The following SH3GLB1 variants were observed in gnomAD, a reference collection of about 807,000 sequenced individuals.
SH3GLB1 encodes the protein endophilin-B1.
A neutral mutation model predicts 42.0 loss-of-function variants in SH3GLB1; 17 were observed. The ratio of observed to expected loss-of-function variants is 0.40; its 90% CI spans 0.28 to 0.61. SH3GLB1 has a LOEUF of 0.61. Among genes scored for constraint, SH3GLB1 ranks in the 20% least tolerant of loss-of-function variants. SH3GLB1 has a pLI of 0.36. For synonymous variants in SH3GLB1, 132 were observed against 146.6 expected, an observed-to-expected ratio of 0.90 and a Z score of 0.72; for missense variants, 355 against 426.3, an observed-to-expected ratio of 0.83 and a Z score of 1.47.
chr1:86,717,914 T>G (rs1654636407), intron 2 of SH3GLB1, among the ~76,000 whole-genome samples: 1 of 152,262 alleles, frequency 6.6e-6, no homozygotes, highest in South Asian at 2.1e-4. Flanking sequence ...CTATTGAAAT[T>G]AAACATTTAT....
At position 86,704,881 on chromosome 1, in the gene SH3GLB1, C is replaced by G. The variant is rs373829970; in HGVS notation, c.-19C>G. On this transcript the variant is annotated 5_prime_UTR_variant, in exon 1 of 9. Coordinates refer to ENST00000370558, the MANE Select transcript of SH3GLB1 (RefSeq NM_016009.5). Reference sequence around the variant, plus strand: ...TCGCCGCCGCTAGGTCGGCCGGCTCCGCCCGGCTGCCGCCTAGGATGAATA... The same window carrying G: ...TCGCCGCCGCTAGGTCGGCCGGCTCGGCCCGGCTGCCGCCTAGGATGAATA... 3.4e-5 allele frequency: 52 copies of G among 1,551,324 alleles called. No homozygotes were observed. In the East Asian group the frequency reaches 4.6e-4, roughly 14 times the overall value.
At chr1:86,725,482 GAA>G (rs1394552323) in intron 5 of SH3GLB1, among the ~76,000 whole-genome samples, 1 of 151,980 alleles carries the variant, frequency 6.6e-6, no homozygotes, top group African/African-American at 2.4e-5. Flanking sequence ...TCCAGAATTT[GAA>G]AATATCAGAT....
At chr1:86,710,813 A>G (rs1045653002) in intron 1 of SH3GLB1, among the ~76,000 whole-genome samples, 1 of 152,224 alleles carries the variant, frequency 6.6e-6, no homozygotes, top group Non-Finnish European at 1.5e-5. Context: ...AAATGGGCCA[A>G]AGAGGAAAGT....
At chr1:86,735,023 A>G (rs1287640901) in intron 6 of SH3GLB1, 56 bp from the exon 7 acceptor site, 16 of 1,311,174 alleles carry the variant, frequency 1.2e-5, no homozygotes, top group East Asian at 2.3e-5. Context: ...TCCCCCTTGC[A>G]TTTGCCATTT....
chr1:86,734,401 A>G (rs907008905), intron 5 of SH3GLB1: 1 of 499,766 alleles, frequency 2.0e-6, no homozygotes, highest in African/African-American at 1.9e-5. Context: ...CAAGTACTGG[A>G]ATCAGTTGTC....
intron 7 of SH3GLB1, among the ~76,000 whole-genome samples, chr1:86,741,529 A>G (rs1192261719): frequency 6.6e-6 from 1 of 152,186 alleles, no homozygotes; most frequent in Non-Finnish European, 1.5e-5. Flanking sequence ...GCACAAATGA[A>G]CTTGTAAAAT....
At chr1:86,723,260 C>G (rs1004514792) in intron 4 of SH3GLB1, among the ~76,000 whole-genome samples, 2 of 152,112 alleles carry the variant, frequency 1.3e-5, no homozygotes, top group Non-Finnish European at 2.9e-5. Context: ...GCCTGTAATC[C>G]TAGCACTTTG....
At chr1:86,738,904 A>G (rs758092111) in intron 7 of SH3GLB1, among the ~76,000 whole-genome samples, 46 of 152,314 alleles carry the variant, frequency 3.0e-4, no homozygotes, top group Admixed American at 5.9e-4. Flanking sequence ...TCAGCCTCTC[A>G]AAGTGCTGGG....
intron 7 of SH3GLB1, among the ~76,000 whole-genome samples, chr1:86,736,607 T>A (rs1331690046): frequency 6.6e-6 from 1 of 152,170 alleles, no homozygotes; most frequent in Non-Finnish European, 1.5e-5. Flanking sequence ...AAGTGCGGCA[T>A]AGGGGTTGCT....
chr1:86,726,317 T>C (rs552949200), intron 5 of SH3GLB1, among the ~76,000 whole-genome samples: 4 of 152,044 alleles, frequency 2.6e-5, no homozygotes, highest in Admixed American at 2.0e-4. Context: ...CACACACATA[T>C]AGATTTAACA....
intron 5 of SH3GLB1, among the ~76,000 whole-genome samples, chr1:86,726,996 G>A (rs1043891513): frequency 6.6e-6 from 1 of 151,932 alleles, no homozygotes; most frequent in African/African-American, 2.4e-5. Flanking sequence ...TACTCTGCTA[G>A]TAAGGTTTGG....
At chr1:86,743,063 T>C in intron 8 of SH3GLB1, 65 bp from the exon 9 acceptor site, 1 of 1,220,982 alleles carries the variant, frequency 8.2e-7, no homozygotes, top group Non-Finnish European at 1.2e-6. Flanking sequence ...AATACAAATC[T>C]GATTGGTTTT....
chr1:86,718,194 C>T (rs76981805), intron 2 of SH3GLB1, among the ~76,000 whole-genome samples: 2,933 of 152,146 alleles, frequency 0.019, 102 homozygotes, highest in African/African-American at 0.068. Context: ...CATGCGCTAC[C>T]ACACCTAGCT....
intron 5 of SH3GLB1, among the ~76,000 whole-genome samples, chr1:86,732,674 T>C (rs921716562): frequency 1.3e-5 from 2 of 152,190 alleles, no homozygotes; most frequent in Admixed American, 1.3e-4. Context: ...TTCTTCATGA[T>C]TAAATTTTAC....
intron 3 of SH3GLB1, among the ~76,000 whole-genome samples, chr1:86,721,788 G>A (rs1654874946): frequency 6.6e-6 from 1 of 152,018 alleles, no homozygotes; most frequent in Non-Finnish European, 1.5e-5. Context: ...CGATATCCAT[G>A]GGGGATTGGA....
chr1:86,713,087 C>G (rs183232953), intron 1 of SH3GLB1, among the ~76,000 whole-genome samples: 1 of 151,958 alleles, frequency 6.6e-6, no homozygotes, highest in Admixed American at 6.6e-5. Context: ...TTGCCCTGAA[C>G]CCCAGTTTGT....
intron 4 of SH3GLB1, among the ~76,000 whole-genome samples, 186 bp from the exon 5 acceptor site, chr1:86,724,127 T>C (rs1280457916): frequency 7.7e-6 from 1 of 130,604 alleles, no homozygotes; most frequent in Non-Finnish European, 1.6e-5. Context: ...TATTTTAAAA[T>C]TTAAAACAGT....
At chr1:86,720,859 A>G (rs1654824620) in intron 3 of SH3GLB1, among the ~76,000 whole-genome samples, 1 of 152,206 alleles carries the variant, frequency 6.6e-6, no homozygotes, top group Non-Finnish European at 1.5e-5. Flanking sequence ...AAACTTCTAC[A>G]TTGTGTTCTT....
Position 86,742,382 on chromosome 1 carries a change from T to C in SH3GLB1, c.936T>C (p.Val312=). 6.2e-7 allele frequency: 1 copy of C among 1,614,134 alleles called. No individual in the cohort carries two copies. Among genetic ancestry groups the C allele is most frequent in the South Asian group, 1.1e-5 (1 of 91,084 alleles). The change falls in exon 8 of 9, where the codon GTT becomes GTC. Residue 312 remains valine, a synonymous_variant. Transcript: ENST00000370558. The part of the protein sequence containing the change: ...KECSGSRKAR[V]LYDYDAANST... ...GTAGTGGCAGCAGAAAGGCCAGGGT[T>C]CTCTATGATTATGATGCAGCAAACA...
Sources: allele counts gnomAD v4.1 joint callset (sites outside exome capture counted in the v4.1 genomes callset), GRCh38; gene constraint gnomAD v4.1.1; transcripts MANE v1.5; gene names NCBI Gene and HGNC (gene_info 2026-07-23, HGNC 2026-07-21).